GRIK4: variants seen among roughly 807,000 people sequenced by gnomAD.
GRIK4 encodes the protein glutamate ionotropic receptor kainate type subunit 4.
Under a neutral mutation model 104.9 loss-of-function variants are expected in GRIK4, and 40 were observed. The ratio of observed to expected loss-of-function variants is 0.38; its 90% CI spans 0.30 to 0.50. The LOEUF (loss-of-function observed/expected upper bound fraction) is 0.50. GRIK4 is among the 20% of genes least tolerant of loss of function. GRIK4 has a pLI of 0.93. For synonymous variants in GRIK4, 485 were observed against 524.9 expected (o/e 0.92, Z 1.04); for missense variants, 1,047 against 1,308.1 (o/e 0.80, Z 3.08).
chr11:120,740,220 C>T (rs1004912900), intron 3 of GRIK4, among the ~76,000 whole-genome samples: 2 of 152,206 alleles, frequency 1.3e-5, no homozygotes, highest in African/African-American at 4.8e-5. Flanking sequence ...ACTCTACAAT[C>T]GACAACTGTT....
intron 1 of GRIK4, among the ~76,000 whole-genome samples, chr11:120,599,835 CA>C (rs1182501424): frequency 4.6e-5 from 7 of 152,228 alleles, no homozygotes; most frequent in Non-Finnish European, 8.8e-5. Context: ...TTGGGTGACT[CA>C]CCCGAGCAAG....
In GRIK4 at chr11:120,902,479, C is replaced by T. The variant is rs536072698; in HGVS notation, c.1273-2811C>T. Among the ~76,000 whole-genome samples, 1 of 152,152 alleles carries T rather than the reference C, an allele frequency of 6.6e-6. No homozygotes were observed. Among genetic ancestry groups the T allele is most frequent in the African/African-American group, 2.4e-5 (1 of 41,430 alleles). ...AGTATTTGGGGAGAAGAATTTGTGA[C>T]ACCCCTTGGGACAATCAAAGATACA... is the stretch of plus-strand genomic sequence containing the variant. On this transcript the variant is annotated intron_variant, in intron 12 of 20. Transcript: ENST00000527524. The surrounding 1 kb of genome is among the most constrained non-coding windows in gnomAD (Gnocchi z 4.5).
intron 4 of GRIK4, among the ~76,000 whole-genome samples, chr11:120,803,663 C>T (rs1468947835): frequency 6.6e-6 from 1 of 152,168 alleles, no homozygotes; most frequent in East Asian, 1.9e-4. Context: ...GTCTTGAACT[C>T]CTGACCCCAA....
intron 19 of GRIK4, among the ~76,000 whole-genome samples, chr11:120,976,645 C>CT (rs1944565451): frequency 6.6e-6 from 1 of 152,202 alleles, no homozygotes; most frequent in Non-Finnish European, 1.5e-5. Flanking sequence ...GCTTCAGCAC[C>CT]TAGCATAGTG....
At chr11:120,712,214 C>T (rs12279885) in intron 3 of GRIK4, among the ~76,000 whole-genome samples, 2 of 152,122 alleles carry the variant, frequency 1.3e-5, no homozygotes, top group Admixed American at 1.3e-4. Flanking sequence ...TGGAAGGCTT[C>T]TCAGAGGTGA....
At chr11:120,568,635 A>G (rs1438767605) in intron 1 of GRIK4, among the ~76,000 whole-genome samples, 1 of 151,970 alleles carries the variant, frequency 6.6e-6, no homozygotes, top group East Asian at 1.9e-4. Flanking sequence ...TGATCCACCT[A>G]CCTCGGCCCC....
chr11:120,539,680 A>G (rs767702652), intron 1 of GRIK4, among the ~76,000 whole-genome samples: 1 of 152,188 alleles, frequency 6.6e-6, no homozygotes, highest in Non-Finnish European at 1.5e-5. Context: ...CTGGTTAAAT[A>G]TTTGAAGCCA....
intron 1 of GRIK4, among the ~76,000 whole-genome samples, chr11:120,599,283 TAA>T (rs1275831613): frequency 2.0e-5 from 3 of 152,222 alleles, no homozygotes; most frequent in Non-Finnish European, 4.4e-5. Context: ...TGATTGTTAT[TAA>T]TATTTCCCTG....
In GRIK4 at chr11:120,566,701, C is replaced by T. The variant is rs576725738; in HGVS notation, c.-159+54814C>T. 2.7e-5 allele frequency among the ~76,000 whole-genome samples: 4 copies of T among 148,254 alleles called. No individual in the cohort carries two copies. The East Asian group carries it at 5.9e-4, about 22-fold the overall frequency. ...ACAAGATTTTTTTTCTTGTTTATACCCTCAGTTTTTTTTTTTTTTTTGAGA... is the reference window on the plus strand; with the variant it reads ...ACAAGATTTTTTTTCTTGTTTATACTCTCAGTTTTTTTTTTTTTTTTGAGA... On this transcript the variant is annotated intron_variant, in intron 1 of 20. Coordinates refer to ENST00000527524, the MANE Select transcript of GRIK4 (RefSeq NM_014619.5).
intron 1 of GRIK4, among the ~76,000 whole-genome samples, chr11:120,523,326 G>A (rs116379846): frequency 9.3e-4 from 141 of 152,030 alleles, no homozygotes; most frequent in African/African-American, 2.9e-3. Context: ...TCTGAGTAGC[G>A]GAAGTCAGCT....
At chr11:120,652,670 G>GA (rs1949636553) in intron 1 of GRIK4, among the ~76,000 whole-genome samples, 2 of 152,012 alleles carry the variant, frequency 1.3e-5, no homozygotes, top group South Asian at 2.1e-4. Context: ...CCACAGCGGG[G>GA]AAAAAAGCTG....
chr11:120,675,858 AATT>A (rs1244095840), intron 3 of GRIK4, among the ~76,000 whole-genome samples: 5 of 152,174 alleles, frequency 3.3e-5, no homozygotes, highest in Admixed American at 3.3e-4. Context: ...GTTCTACCAT[AATT>A]ATTATTACTG....
intron 14 of GRIK4, among the ~76,000 whole-genome samples, chr11:120,951,957 T>G (rs374503410): frequency 6.6e-6 from 1 of 152,242 alleles, no homozygotes; most frequent in East Asian, 1.9e-4. Context: ...GTGTGTCACC[T>G]CGGATCTATT....
At chr11:120,556,676 G>A (rs1004335843) in intron 1 of GRIK4, among the ~76,000 whole-genome samples, 21 of 151,948 alleles carry the variant, frequency 1.4e-4, no homozygotes, top group African/African-American at 3.4e-4. Flanking sequence ...GGCTTAACCC[G>A]TCCTTTGCTT....
chr11:120,761,855 T>TC (rs1294029218), intron 3 of GRIK4, among the ~76,000 whole-genome samples: 1 of 152,232 alleles, frequency 6.6e-6, no homozygotes, highest in Non-Finnish European at 1.5e-5. Flanking sequence ...ACTTTAGCCT[T>TC]GTAGCATAGT....
At chr11:120,704,698 G>A (rs559935717) in intron 3 of GRIK4, among the ~76,000 whole-genome samples, 2 of 152,192 alleles carry the variant, frequency 1.3e-5, no homozygotes, top group African/African-American at 4.8e-5. Flanking sequence ...CACAGGTGGG[G>A]CATGGGAAGC....
chr11:120,823,725 G>C lies in GRIK4; in HGVS notation c.511+3805G>C, dbSNP rs535852200. Among the ~76,000 whole-genome samples, 7 of 152,296 alleles carry C rather than the reference G, an allele frequency of 4.6e-5. No individual in the cohort carries two copies. In the East Asian group the frequency reaches 1.3e-3, roughly 29 times the overall value. On this transcript the variant is annotated intron_variant, in intron 6 of 20. Coordinates refer to ENST00000527524, the MANE Select transcript of GRIK4 (RefSeq NM_014619.5). The stretch of plus-strand genomic sequence containing the variant: ...GAACAACATGTGCCCTTGTTCCCTC[G>C]AGCAGGGGTGCAGGACAGCTAAGCA...
intron 1 of GRIK4, among the ~76,000 whole-genome samples, chr11:120,553,339 A>G (rs572200371): frequency 6.6e-6 from 1 of 152,174 alleles, no homozygotes; most frequent in African/African-American, 2.4e-5. Context: ...AGAGGAAGGA[A>G]GAGTGGGAGG....
intron 1 of GRIK4, among the ~76,000 whole-genome samples, chr11:120,518,217 C>T (rs1190928197): frequency 6.6e-6 from 1 of 152,224 alleles, no homozygotes; most frequent in Non-Finnish European, 1.5e-5. Flanking sequence ...CCCAGCTTTT[C>T]CAGTTCCAGC....
Sources: gnomAD v4.1 joint callset for allele counts (sites outside exome capture counted in the v4.1 genomes callset) on GRCh38, gnomAD v4.1.1 for gene constraint, Gnocchi (gnomAD v3.1) non-coding constraint, MANE v1.5 for transcripts, NCBI Gene and HGNC (gene_info 2026-07-23, HGNC 2026-07-21) for gene names.